Variants in ELOA observed in about 807,000 individuals in gnomAD.
The protein encoded by ELOA is elongin A, also known as elongin-A.
ELOA carries 15 observed loss-of-function variants against 85.2 expected under a neutral mutation model. The ratio of observed to expected loss-of-function variants is 0.18; its 90% CI spans 0.12 to 0.27. ELOA has a LOEUF of 0.27. Among genes scored for constraint, ELOA ranks in the 10% least tolerant of loss-of-function variants. The probability of loss-of-function intolerance (pLI) is 1.00; values close to 1 mark genes in which losing one functional copy is unlikely to be tolerated. For missense variants in ELOA, 769 were observed against 952.7 expected, an observed-to-expected ratio of 0.81 and a Z score of 2.54; for synonymous variants, 348 against 357.2, an observed-to-expected ratio of 0.97 and a Z score of 0.29.
Position 23,761,675 on chromosome 1 carries a change from C to A in ELOA, c.*2102C>A, listed in dbSNP as rs532336530. ...AGGAAAAACCCAATTTCTAAATGAC[C>A]TCCTTGCCCAGCTTACTAAAATGGC... On this transcript the variant is annotated 3_prime_UTR_variant, in exon 11 of 11. Coordinates refer to ENST00000613537, the MANE Select transcript of ELOA (RefSeq NM_003198.3). 1.3e-5 allele frequency: 2 copies of A among 152,240 alleles called. No individual in the cohort carries two copies. The highest frequency in any genetic ancestry group is 4.1e-4 in the South Asian group (2 of 4,820). 9.4% of individuals were successfully genotyped at this position (152,240 alleles called of 1,614,324 possible).
chr1:23,751,429 T>C lies in ELOA; in HGVS notation c.824T>C (p.Leu275Pro), dbSNP rs1644770275. 6.2e-7 allele frequency: 1 copy of C among 1,613,918 alleles called. No homozygotes were observed. The highest frequency in any genetic ancestry group is 1.7e-5 in the Admixed American group (1 of 60,002). ...VVSREKSHKA[L>P]SKEENRRPPS... is the part of the protein sequence containing the mutation. ...AGCAGAGAGAAATCACACAAGGCCC[T>C]CTCCAAAGAGGAGAACCGAAGGCCA... The change falls in exon 4 of 11, where the codon CTC becomes CCC. Residue 275 changes from leucine to proline, a missense_variant. Leu to Pro is a moderately conservative substitution (Grantham distance 98, BLOSUM62 -3). Around this residue, in one of 4 missense-constraint regions of ELOA, gnomAD observed 440 missense variants for 474.0 expected, o/e 0.93. Coordinates refer to ENST00000613537, the MANE Select transcript of ELOA (RefSeq NM_003198.3).
chr1:23,757,242 G>A (rs1217865717), intron 10 of ELOA, 117 bp downstream of exon 10: 2 of 1,136,294 alleles, frequency 1.8e-6, no homozygotes. Context: ...ATGATGCCTT[G>A]CACATAGCTG....
chr1:23,756,229 C>T lies in ELOA; in HGVS notation c.1973-45C>T, dbSNP rs190368688. The T allele has an allele frequency of 8.6e-6, 13 of 1,506,046 alleles. No individual in the cohort carries two copies. In the African/African-American group the frequency reaches 1.1e-4, roughly 13 times the overall value. 93.3% of individuals were successfully genotyped at this position (1,506,046 alleles called of 1,614,324 possible). A position where few individuals can be genotyped will look rare whatever the true frequency, so the allele number is the denominator to read the frequency against. On this transcript the variant is annotated intron_variant, in intron 8 of 10. Transcript: ENST00000613537. ...CCGTGGATTATTTAAATAACAGTAG[C>T]ATCTCTGCTCAAGAAGGCAGATGTT...
chr1:23,757,811 GA>G (rs575030502), intron 10 of ELOA, among the ~76,000 whole-genome samples: 4,152 of 108,426 alleles, frequency 0.038, 169 homozygotes, highest in African/African-American at 0.12. Flanking sequence ...CCTGTCTCTG[GA>G]AAAAAAAAAA....
intron 4 of ELOA, 124 bp downstream of exon 4, chr1:23,752,154 A>G (rs568691925): frequency 2.0e-6 from 2 of 1,015,280 alleles, no homozygotes; most frequent in Non-Finnish European, 2.9e-6. Context: ...TTCAGTGTGC[A>G]GTAATTTCCT....
At chr1:23,757,470 C>A (rs1338684419) in intron 10 of ELOA, among the ~76,000 whole-genome samples, 1 of 152,150 alleles carries the variant, frequency 6.6e-6, no homozygotes, top group African/African-American at 2.4e-5. Context: ...TAGTGGTACA[C>A]ACCTGTAGTC....
Position 23,757,126 on chromosome 1 carries a change from G to A in ELOA, c.2257+1G>A. On this transcript the variant is annotated splice_donor_variant, in intron 10 of 10. Transcript: ENST00000613537. LOFTEE classifies it high-confidence loss of function. ...GATCCTAGGAAACCCACTGTGAAGA[G>A]TAAGTAACTTGGAGTTCCTGCTCAA... 6.5e-7 allele frequency: 1 copy of A among 1,539,140 alleles called. No homozygotes were observed. Among genetic ancestry groups the A allele is most frequent in the Non-Finnish European group, 8.7e-7 (1 of 1,146,902 alleles).
intron 7 of ELOA, among the ~76,000 whole-genome samples, chr1:23,755,053 A>G (rs1429545068): frequency 6.6e-6 from 1 of 151,700 alleles, no homozygotes; most frequent in Admixed American, 6.6e-5. Context: ...CCTCCCAAGT[A>G]GCTGGGACTA....
At chr1:23,743,677 C>G (rs1336146005) in intron 1 of ELOA, 99 bp downstream of exon 1, 5 of 1,299,630 alleles carry the variant, frequency 3.8e-6, no homozygotes, top group East Asian at 3.2e-5. Flanking sequence ...GGCTGGGACC[C>G]TGAGCCAGGC....
Position 23,751,145 on chromosome 1 carries a change from T to G in ELOA, c.540T>G (p.Pro180=). The G allele has an allele frequency of 6.2e-7, 1 of 1,614,046 alleles. No individual in the cohort carries two copies. The highest frequency in any genetic ancestry group is 8.5e-7 in the Non-Finnish European group (1 of 1,180,032). ...ESSDYGHVQS[P]PSCTSPHQMY... is the part of the protein sequence containing the mutation. ...CTGATTATGGCCATGTTCAATCCCC[T>G]CCATCTTGTACCAGTCCTCATCAGA... The change falls in exon 4 of 11, where the codon CCT becomes CCG. Residue 180 remains proline, a synonymous_variant. Coordinates refer to ENST00000613537, the MANE Select transcript of ELOA (RefSeq NM_003198.3).
intron 7 of ELOA, among the ~76,000 whole-genome samples, chr1:23,754,932 T>G (rs919539701): frequency 1.3e-5 from 2 of 150,594 alleles, no homozygotes; most frequent in East Asian, 3.9e-4. Context: ...TTCTATGACC[T>G]AACACCTTTT....
At chr1:23,750,620 A>C (rs1055822552) in intron 3 of ELOA, among the ~76,000 whole-genome samples, 23 of 152,126 alleles carry the variant, frequency 1.5e-4, no homozygotes, top group Admixed American at 1.3e-3. Flanking sequence ...CATGTATATG[A>C]GATATTTGAT....
rs1432094234 is a variant in ELOA at position 23,761,544 on chromosome 1, C to T, written c.*1971C>T. On this transcript the variant is annotated 3_prime_UTR_variant, in exon 11 of 11. Coordinates refer to ENST00000613537, the MANE Select transcript of ELOA (RefSeq NM_003198.3). ...AGCAATGTCAGTATCCATTTTGGCA[C>T]ATAAAGATTTTTGATGAGCCCTGTT... 7 of 152,110 alleles carry T rather than the reference C, an allele frequency of 4.6e-5. No individual in the cohort carries two copies. The highest frequency in any genetic ancestry group is 1.7e-4 in the African/African-American group (7 of 41,418). The allele number at this position is 152,110 out of a possible 1,614,324, so 9.4% of individuals were successfully genotyped here.
intron 10 of ELOA, among the ~76,000 whole-genome samples, chr1:23,758,259 A>ATTTTTTTTTTTTTTTTTT (rs1162019928): frequency 2.4e-5 from 1 of 41,956 alleles, no homozygotes; most frequent in Non-Finnish European, 4.2e-5. Flanking sequence ...TTATTTATTT[A>ATTTTTTTTTTTTTTTTTT]TTTTTTTTTT....
intron 10 of ELOA, 123 bp from the exon 11 acceptor site, chr1:23,759,389 A>G: frequency 1.1e-6 from 1 of 880,544 alleles, no homozygotes; most frequent in East Asian, 2.5e-5. Context: ...GATAGTTACT[A>G]CTTGTATCTC....
In ELOA at chr1:23,759,881, A is replaced by G. The variant is rs919803082; in HGVS notation, c.*308A>G. On this transcript the variant is annotated 3_prime_UTR_variant, in exon 11 of 11. Transcript: ENST00000613537. ...TAAGACGTAGTTTTAATTAATAAATATTGCCCCCAGATTGTATTTATATTA... is the reference window on the plus strand; with the variant it reads ...TAAGACGTAGTTTTAATTAATAAATGTTGCCCCCAGATTGTATTTATATTA... 3 of 310,668 alleles carry G rather than the reference A, an allele frequency of 9.7e-6. No individual in the cohort carries two copies. The highest frequency in any genetic ancestry group is 4.3e-5 in the African/African-American group (2 of 46,018). 19.2% of individuals were successfully genotyped at this position (310,668 alleles called of 1,614,324 possible).
chr1:23,743,820 C>T (rs894537600), intron 1 of ELOA, among the ~76,000 whole-genome samples: 1 of 152,118 alleles, frequency 6.6e-6, no homozygotes, highest in Non-Finnish European at 1.5e-5. Context: ...GGGGCGCGCC[C>T]GGTGCGGACA....
chr1:23,750,799 G>C, intron 3 of ELOA, 46 bp from the exon 4 acceptor site: 1 of 1,496,238 alleles, frequency 6.7e-7, no homozygotes, highest in South Asian at 1.4e-5. Context: ...TGTCCCTCAA[G>C]AAGCAAGATT....
chr1:23,755,579 C>T (rs961713177), intron 7 of ELOA, among the ~76,000 whole-genome samples: 3 of 151,946 alleles, frequency 2.0e-5, no homozygotes, highest in African/African-American at 4.8e-5. Context: ...GTCAGGAGTT[C>T]GAGACCAGCC....
Sources: allele counts gnomAD v4.1 joint callset (sites outside exome capture counted in the v4.1 genomes callset), GRCh38; gene constraint gnomAD v4.1.1; regional missense constraint gnomAD v4.1.1; transcripts MANE v1.5; gene names NCBI Gene and HGNC (gene_info 2026-07-23, HGNC 2026-07-21).